KCNJ3: variants seen among roughly 807,000 people sequenced by gnomAD.
KCNJ3 encodes the protein potassium inwardly rectifying channel subfamily J member 3, also known as G protein-activated inward rectifier potassium channel 1.
A neutral mutation model predicts 39.2 loss-of-function variants in KCNJ3; 4 were observed. The observed-to-expected ratio is 0.10, with a 90% CI of 0.05 to 0.23. The LOEUF is 0.23. KCNJ3 is among the 10% of genes least tolerant of loss of function. The probability of loss-of-function intolerance (pLI) is 1.00; values close to 1 mark genes in which losing one functional copy is unlikely to be tolerated. For missense variants in KCNJ3, 276 were observed against 634.9 expected (o/e 0.43, Z 6.08); for synonymous variants, 230 against 237.4 (o/e 0.97, Z 0.29).
intron 2 of KCNJ3, among the ~76,000 whole-genome samples, chr2:154,841,504 A>T (rs1323197503): frequency 1.3e-5 from 2 of 152,190 alleles, no homozygotes; most frequent in Non-Finnish European, 2.9e-5. Context: ...TTCAAAAGGA[A>T]TGGTATCAGC....
At chr2:154,743,928 G>A (rs560657821) in intron 2 of KCNJ3, among the ~76,000 whole-genome samples, 1 of 151,432 alleles carries the variant, frequency 6.6e-6, no homozygotes, top group African/African-American at 2.4e-5. Flanking sequence ...ATCTTAAAAA[G>A]CAGCTTTCAA....
intron 2 of KCNJ3, among the ~76,000 whole-genome samples, chr2:154,721,008 T>G (rs982170741): frequency 7.3e-6 from 1 of 136,598 alleles, no homozygotes; most frequent in African/African-American, 2.8e-5. Flanking sequence ...TGTTATCTAG[T>G]TTTTTTTTTC....
At chr2:154,802,520 A>G (rs889746822) in intron 2 of KCNJ3, among the ~76,000 whole-genome samples, 3 of 152,134 alleles carry the variant, frequency 2.0e-5, no homozygotes, top group African/African-American at 7.2e-5. Flanking sequence ...TCTGGGTTGC[A>G]TGCTTTTAAT....
intron 2 of KCNJ3, among the ~76,000 whole-genome samples, chr2:154,736,468 G>A (rs568402307): frequency 2.8e-5 from 4 of 140,672 alleles, no homozygotes; most frequent in African/African-American, 7.9e-5. Context: ...TGTGGCCCCC[G>A]ATTTGACTTA....
At chr2:154,838,904 T>G (rs181305900) in intron 2 of KCNJ3, among the ~76,000 whole-genome samples, 7 of 144,698 alleles carry the variant, frequency 4.8e-5, no homozygotes, top group Non-Finnish European at 7.7e-5. Flanking sequence ...AATTCCAGCA[T>G]TGCCTGGATG....
At chr2:154,736,655 T>C (rs1685535606) in intron 2 of KCNJ3, among the ~76,000 whole-genome samples, 1 of 152,018 alleles carries the variant, frequency 6.6e-6, no homozygotes, top group Non-Finnish European at 1.5e-5. Flanking sequence ...TCTTTAAAAG[T>C]ATATATATGA....
intron 2 of KCNJ3, among the ~76,000 whole-genome samples, chr2:154,775,383 A>G (rs1420815980): frequency 6.6e-6 from 1 of 152,174 alleles, no homozygotes; most frequent in Non-Finnish European, 1.5e-5. Flanking sequence ...TGGAATCAGT[A>G]TTTTGCAGAA....
chr2:154,726,688 A>G (rs1685362409), intron 2 of KCNJ3, among the ~76,000 whole-genome samples: 1 of 152,094 alleles, frequency 6.6e-6, no homozygotes, highest in African/African-American at 2.4e-5. Context: ...AGCACAATTC[A>G]CAGTCACAAA....
intron 2 of KCNJ3, among the ~76,000 whole-genome samples, chr2:154,731,757 A>G (rs899097450): frequency 6.6e-6 from 1 of 151,998 alleles, no homozygotes; most frequent in African/African-American, 2.4e-5. Flanking sequence ...TACTTTTTCA[A>G]ATAAAACAAT....
intron 2 of KCNJ3, among the ~76,000 whole-genome samples, chr2:154,754,509 C>T (rs914398658): frequency 1.1e-4 from 17 of 152,230 alleles, no homozygotes; most frequent in Admixed American, 2.6e-4. Context: ...TCCCGACCTC[C>T]GGCAATCCAC....
At chr2:154,730,983 T>C (rs1685439901) in intron 2 of KCNJ3, among the ~76,000 whole-genome samples, 1 of 152,182 alleles carries the variant, frequency 6.6e-6, no homozygotes, top group Admixed American at 6.5e-5. Flanking sequence ...ATAATTCATT[T>C]AGACTCTATG....
chr2:154,776,237 G>T (rs1171926065), intron 2 of KCNJ3, among the ~76,000 whole-genome samples: 1 of 152,108 alleles, frequency 6.6e-6, no homozygotes, highest in East Asian at 1.9e-4. Flanking sequence ...CCTGCCCTCA[G>T]GTGATCTGCC....
intron 2 of KCNJ3, among the ~76,000 whole-genome samples, chr2:154,791,649 A>G (rs1272914845): frequency 3.9e-5 from 6 of 152,050 alleles, no homozygotes; most frequent in Non-Finnish European, 7.4e-5. Context: ...GATAAAGGAT[A>G]AGAGATTTAA....
chr2:154,854,613 A>G lies in KCNJ3; in HGVS notation c.920-114A>G, dbSNP rs16838325. 565 of 685,892 alleles carry G rather than the reference A, an allele frequency of 8.2e-4. 4 individuals are homozygous for G. The African/African-American group carries it at 9.8e-3, about 12-fold the overall frequency. 42.5% of individuals were successfully genotyped at this position (685,892 alleles called of 1,614,324 possible). On this transcript the variant is annotated intron_variant, in intron 2 of 2. Coordinates refer to ENST00000295101, the MANE Select transcript of KCNJ3 (RefSeq NM_002239.4). ...TAATCTATTCTATTATTCGGGCTTCAGATAAACAGTCCAAAACCTAGATAA... is the reference window on the plus strand; with the variant it reads ...TAATCTATTCTATTATTCGGGCTTCGGATAAACAGTCCAAAACCTAGATAA...
At chr2:154,722,124 A>G (rs72874069) in intron 2 of KCNJ3, among the ~76,000 whole-genome samples, 1,553 of 139,346 alleles carry the variant, frequency 0.011, 13 homozygotes, top group Non-Finnish European at 0.018. Context: ...GAACAAAACT[A>G]CAAAGATTTT....
Position 154,858,157 on chromosome 2 carries a change from T to C in KCNJ3, c.*2844T>C, listed in dbSNP as rs971444384. ...CTGCATGTAATTGCAGTTTAACCCTTATTTCTAGGTTGATCATAGGTCCCA... is the reference window on the plus strand; with the variant it reads ...CTGCATGTAATTGCAGTTTAACCCTCATTTCTAGGTTGATCATAGGTCCCA... On this transcript the variant is annotated 3_prime_UTR_variant, in exon 3 of 3. Coordinates refer to ENST00000295101, the MANE Select transcript of KCNJ3 (RefSeq NM_002239.4). 3.3e-5 allele frequency: 5 copies of C among 152,016 alleles called. No homozygotes were observed. The highest frequency in any genetic ancestry group is 1.2e-4 in the African/African-American group (5 of 41,390). The allele number at this position is 152,016 out of a possible 1,614,324, so 9.4% of individuals were successfully genotyped here.
At chr2:154,782,545 C>T (rs1280614125) in intron 2 of KCNJ3, among the ~76,000 whole-genome samples, 3 of 152,092 alleles carry the variant, frequency 2.0e-5, no homozygotes, top group East Asian at 1.9e-4. Flanking sequence ...CACACATACA[C>T]GCAGGCTTTC....
intron 1 of KCNJ3, among the ~76,000 whole-genome samples, chr2:154,702,267 A>G (rs902367747): frequency 2.6e-5 from 4 of 152,128 alleles, no homozygotes; most frequent in South Asian, 2.1e-4. Flanking sequence ...AAAATCCAGT[A>G]TAATATTTAA....
chr2:154,792,082 C>T (rs1038634235), intron 2 of KCNJ3, among the ~76,000 whole-genome samples: 1 of 152,036 alleles, frequency 6.6e-6, no homozygotes, highest in African/African-American at 2.4e-5. Flanking sequence ...CAGTCCACTG[C>T]CGTCATCTTG....
Sources: gnomAD v4.1 joint callset for allele counts (sites outside exome capture counted in the v4.1 genomes callset) on GRCh38, gnomAD v4.1.1 for gene constraint, MANE v1.5 for transcripts, NCBI Gene and HGNC (gene_info 2026-07-23, HGNC 2026-07-21) for gene names.